The following PTPRD variants were observed in gnomAD, a reference collection of about 807,000 sequenced individuals.
PTPRD encodes the protein receptor-type tyrosine-protein phosphatase delta.
PTPRD carries 34 observed loss-of-function variants against 214.5 expected under a neutral mutation model. The observed-to-expected ratio is 0.16, with a 90% CI of 0.12 to 0.21. PTPRD has a LOEUF of 0.21. Among genes scored for constraint, PTPRD ranks in the 10% least tolerant of loss-of-function variants. The pLI is 1.00. For synonymous variants in PTPRD, 1,128 were observed against 845.7 expected (o/e 1.33, Z -5.79); for missense variants, 2,545 against 2,398.7 (o/e 1.06, Z -1.27).
At chr9:8,868,595 G>A (rs116854635) in intron 11 of PTPRD, among the ~76,000 whole-genome samples, 37 of 152,288 alleles carry the variant, frequency 2.4e-4, no homozygotes, top group Non-Finnish European at 4.9e-4. Context: ...AGCACAATTC[G>A]AAAATCACTA....
intron 2 of PTPRD, among the ~76,000 whole-genome samples, chr9:10,359,621 G>C (rs1485178195): frequency 6.6e-6 from 1 of 152,024 alleles, no homozygotes; most frequent in African/African-American, 2.4e-5. Flanking sequence ...GCAGTGTAAT[G>C]GGTTGAACAT....
chr9:8,442,390 A>G (rs2095576684), intron 34 of PTPRD, among the ~76,000 whole-genome samples: 1 of 151,480 alleles, frequency 6.6e-6, no homozygotes, highest in Non-Finnish European at 1.5e-5. Flanking sequence ...CTATATAACT[A>G]TTCTGCTAAG....
intron 8 of PTPRD, among the ~76,000 whole-genome samples, chr9:9,423,150 GC>G: frequency 6.6e-6 from 1 of 152,282 alleles, no homozygotes; most frequent in Non-Finnish European, 1.5e-5. Context: ...CTTCTCTGTA[GC>G]TTCTACAGTT....
chr9:8,719,292 G>A, intron 12 of PTPRD, among the ~76,000 whole-genome samples: 1 of 152,172 alleles, frequency 6.6e-6, no homozygotes, highest in East Asian at 1.9e-4. Context: ...AACATGCAAA[G>A]CTTTTTCTGC....
chr9:9,435,654 G>T (rs552289051), intron 8 of PTPRD, among the ~76,000 whole-genome samples: 1 of 152,038 alleles, frequency 6.6e-6, no homozygotes, highest in Non-Finnish European at 1.5e-5. Context: ...GTAAGTAAAA[G>T]TTGCATATAT....
At chr9:10,101,992 G>A (rs757089028) in intron 3 of PTPRD, among the ~76,000 whole-genome samples, 2 of 151,546 alleles carry the variant, frequency 1.3e-5, no homozygotes, top group African/African-American at 4.8e-5. Flanking sequence ...CACATCCCAC[G>A]TTTTATAGAA....
chr9:10,061,596 T>A (rs947417791), intron 3 of PTPRD, among the ~76,000 whole-genome samples: 37 of 152,070 alleles, frequency 2.4e-4, no homozygotes, highest in African/African-American at 7.5e-4. Flanking sequence ...GATACCTTCC[T>A]ATTCCCCACC....
intron 8 of PTPRD, among the ~76,000 whole-genome samples, chr9:9,410,572 A>T (rs1253938751): frequency 3.3e-5 from 5 of 152,160 alleles, no homozygotes; most frequent in Admixed American, 2.6e-4. Context: ...GAACCCGACT[A>T]TGAATTCCTT....
At chr9:9,860,785 A>C (rs1414182107) in intron 5 of PTPRD, among the ~76,000 whole-genome samples, 4 of 152,310 alleles carry the variant, frequency 2.6e-5, no homozygotes, top group South Asian at 2.1e-4. Flanking sequence ...TCTTGTGTCT[A>C]GTGGTATCCC....
At chr9:9,710,850 A>G (rs2097713148) in intron 7 of PTPRD, among the ~76,000 whole-genome samples, 2 of 152,142 alleles carry the variant, frequency 1.3e-5, no homozygotes, top group Admixed American at 6.5e-5. Context: ...TTTGCTAAAA[A>G]TATTGATGAG....
intron 4 of PTPRD, among the ~76,000 whole-genome samples, chr9:9,993,874 T>TAACTGATCATGGTGATCATGGC (rs1306639574): frequency 5.3e-5 from 8 of 152,210 alleles, no homozygotes; most frequent in Non-Finnish European, 1.2e-4. Flanking sequence ...TGAATCATGT[T>TAACTGATCATGGTGATCATGGC]AACTGATCAT....
chr9:8,718,260 T>C (rs536361761), intron 12 of PTPRD, among the ~76,000 whole-genome samples: 2 of 152,296 alleles, frequency 1.3e-5, no homozygotes, highest in South Asian at 4.1e-4. Context: ...AAGCCAATTA[T>C]TCCCTGCCCA....
In PTPRD at chr9:8,465,529, C is replaced by T. The variant is rs150856940; in HGVS notation, c.3651G>A (p.Lys1217=). The T allele has an allele frequency of 2.6e-4, 425 of 1,612,582 alleles. 1 individual carries two copies. In the African/African-American group the frequency reaches 5.5e-3, roughly 21 times the overall value. ...CATATTCTTGACCACTTTGGAGTTG[C>T]TTGTTTGTAAATCCACCATAATGCT... ...DDKHYGGFTN[K]QLQSGQEYVF... The change falls in exon 32 of 46, where the codon AAG becomes AAA. Residue 1217 remains lysine (K), a synonymous_variant. Coordinates refer to ENST00000381196, the MANE Select transcript of PTPRD (RefSeq NM_002839.4).
At chr9:8,808,919 C>T (rs959041608) in intron 11 of PTPRD, among the ~76,000 whole-genome samples, 1 of 152,166 alleles carries the variant, frequency 6.6e-6, no homozygotes, top group Non-Finnish European at 1.5e-5. Context: ...AGTGTTTACA[C>T]TTCCTGATCA....
intron 14 of PTPRD, among the ~76,000 whole-genome samples, chr9:8,537,373 C>G (rs988753246): frequency 6.6e-6 from 1 of 151,884 alleles, no homozygotes; most frequent in African/African-American, 2.4e-5. Context: ...ACATGACATT[C>G]CAAATGGAAC....
Position 9,892,373 on chromosome 9 carries a change from A to T in PTPRD, c.-368+46134T>A, listed in dbSNP as rs142680062. Among the ~76,000 whole-genome samples the T allele has an allele frequency of 6.0e-4, 91 of 152,252 alleles. 1 individual carries two copies. Among genetic ancestry groups the T allele is most frequent in the African/African-American group, 2.2e-3 (90 of 41,566 alleles). Reference sequence around the variant, plus strand: ...CATGCCTGGCGGGGAGGAAGTGTTGATTGACAAAAATGCAAAAACCCTGAG... The same window carrying T: ...CATGCCTGGCGGGGAGGAAGTGTTGTTTGACAAAAATGCAAAAACCCTGAG... On this transcript the variant is annotated intron_variant, in intron 5 of 45. Transcript: ENST00000381196.
chr9:9,406,830 T>G (rs2073602900), intron 8 of PTPRD, among the ~76,000 whole-genome samples: 1 of 127,208 alleles, frequency 7.9e-6, no homozygotes, highest in Admixed American at 9.0e-5. Context: ...ATATCTAATA[T>G]GAACTCTTTC....
At chr9:8,455,372 T>A (rs1184370185) in intron 33 of PTPRD, among the ~76,000 whole-genome samples, 1 of 152,234 alleles carries the variant, frequency 6.6e-6, no homozygotes, top group African/African-American at 2.4e-5. Context: ...TGCTTATAGA[T>A]CCTTTCACCT....
chr9:9,479,717 T>C (rs1377221961), intron 8 of PTPRD, among the ~76,000 whole-genome samples: 1 of 143,104 alleles, frequency 7.0e-6, no homozygotes, highest in Non-Finnish European at 1.5e-5. Context: ...AGTAATTTAG[T>C]CAGCAGCAAA....
Sources: gnomAD v4.1 joint callset for allele counts (sites outside exome capture counted in the v4.1 genomes callset) on GRCh38, gnomAD v4.1.1 for gene constraint, MANE v1.5 for transcripts, NCBI Gene and HGNC (gene_info 2026-07-23, HGNC 2026-07-21) for gene names.